The following MOB3B variants were observed in gnomAD, a reference collection of about 807,000 sequenced individuals.
MOB3B encodes MOB kinase activator-like 2B.
MOB3B carries 7 observed loss-of-function variants against 18.7 expected under a neutral mutation model. The observed-to-expected ratio is 0.37, with a 90% confidence interval of 0.21 to 0.70. The LOEUF (loss-of-function observed/expected upper bound fraction) is 0.70, where lower values mean the gene tolerates loss of function less well. MOB3B is among the 30% of genes least tolerant of loss of function. MOB3B has a pLI of 0.52. For synonymous variants in MOB3B, 111 were observed against 99.9 expected (o/e 1.11, Z -0.66); for missense variants, 253 against 281.3 (o/e 0.90, Z 0.72).
chr9:27,377,709 G>A (rs1563853780), intron 2 of MOB3B, among the ~76,000 whole-genome samples: 2 of 152,206 alleles, frequency 1.3e-5, no homozygotes, highest in Admixed American at 1.3e-4. Context: ...GAAACTGCAA[G>A]GCAACTGAAC....
intron 2 of MOB3B, among the ~76,000 whole-genome samples, chr9:27,452,218 A>G (rs1822801655): frequency 6.6e-6 from 1 of 152,164 alleles, no homozygotes; most frequent in South Asian, 2.1e-4. Context: ...CCATCCATCC[A>G]TCCATCCATC....
intron 1 of MOB3B, among the ~76,000 whole-genome samples, chr9:27,483,991 A>T (rs894844239): frequency 6.6e-6 from 1 of 152,244 alleles, no homozygotes; most frequent in African/African-American, 2.4e-5. Flanking sequence ...TGACAGAGCC[A>T]CTAAGGAGTG....
chr9:27,491,344 T>G (rs534095435), intron 1 of MOB3B, among the ~76,000 whole-genome samples: 2 of 152,248 alleles, frequency 1.3e-5, no homozygotes, highest in South Asian at 4.2e-4. Context: ...AAAAGTTTTC[T>G]CCACAGATGA....
At chr9:27,480,685 C>T (rs768382752) in intron 1 of MOB3B, among the ~76,000 whole-genome samples, 2 of 151,980 alleles carry the variant, frequency 1.3e-5, no homozygotes, top group Admixed American at 6.6e-5. Flanking sequence ...CCTGCCTGGG[C>T]CTTCCAAAGT....
At position 27,407,856 on chromosome 9, in the gene MOB3B, C is replaced by A. The variant is rs150307402; in HGVS notation, c.418+47277G>T. On this transcript the variant is annotated intron_variant, in intron 2 of 3. Transcript: ENST00000262244. ...AATATTGCTTCCTCTCGATTTCTTTCCTTCAGTTTTTTCCCCCATTTTTGG... is the reference window on the plus strand; with the variant it reads ...AATATTGCTTCCTCTCGATTTCTTTACTTCAGTTTTTTCCCCCATTTTTGG... 4.9e-4 allele frequency among the ~76,000 whole-genome samples: 74 copies of A among 152,244 alleles called. 1 individual carries two copies. The East Asian group carries it at 0.012, about 24-fold the overall frequency.
chr9:27,489,404 A>G lies in MOB3B; in HGVS notation c.-198-33656T>C, dbSNP rs1419818818. Reference sequence around the variant, plus strand: ...TCCTGAGCTCTCACTCTTAAAAAGCAGTAAAATAGACTTCAGTCAAAAACA... The same window carrying G: ...TCCTGAGCTCTCACTCTTAAAAAGCGGTAAAATAGACTTCAGTCAAAAACA... On this transcript the variant is annotated intron_variant, in intron 1 of 3. Transcript: ENST00000262244. 2.6e-5 allele frequency among the ~76,000 whole-genome samples: 4 copies of G among 152,350 alleles called. No individual in the cohort carries two copies. The East Asian group carries it at 7.7e-4, about 29-fold the overall frequency.
intron 1 of MOB3B, among the ~76,000 whole-genome samples, chr9:27,523,065 G>A (rs751090920): frequency 4.6e-5 from 7 of 152,120 alleles, no homozygotes; most frequent in Non-Finnish European, 8.8e-5. Context: ...TGCCATGTTT[G>A]TGGAACTGTG....
At chr9:27,412,890 T>C (rs1471816524) in intron 2 of MOB3B, among the ~76,000 whole-genome samples, 2 of 152,226 alleles carry the variant, frequency 1.3e-5, no homozygotes, top group Non-Finnish European at 2.9e-5. Flanking sequence ...ATGGCAGCTC[T>C]ACCTGTGAGA....
At chr9:27,355,652 C>T (rs889005694) in intron 3 of MOB3B, among the ~76,000 whole-genome samples, 8 of 151,450 alleles carry the variant, frequency 5.3e-5, no homozygotes, top group East Asian at 1.9e-4. Context: ...CTCTGCCTCC[C>T]GGGTTCACGC....
intron 1 of MOB3B, among the ~76,000 whole-genome samples, chr9:27,473,980 C>CCCTCAAGAGGG (rs1283156292): frequency 6.6e-6 from 1 of 152,160 alleles, no homozygotes; most frequent in African/African-American, 2.4e-5. Context: ...AAGCTTTCTA[C>CCCTCAAGAGGG]CCTCAAGAGG....
intron 2 of MOB3B, among the ~76,000 whole-genome samples, chr9:27,362,035 T>C (rs1193572185): frequency 2.0e-5 from 3 of 152,174 alleles, no homozygotes; most frequent in Non-Finnish European, 4.4e-5. Context: ...CTGCGGATGC[T>C]CATGGCAATT....
intron 2 of MOB3B, among the ~76,000 whole-genome samples, chr9:27,431,113 T>C (rs1822410699): frequency 6.6e-6 from 1 of 152,224 alleles, no homozygotes; most frequent in Admixed American, 6.5e-5. Context: ...ATTTTAAAGA[T>C]AAATTCTCAT....
chr9:27,525,499 T>C (rs993692012), intron 1 of MOB3B, among the ~76,000 whole-genome samples: 1 of 152,162 alleles, frequency 6.6e-6, no homozygotes, highest in African/African-American at 2.4e-5. Flanking sequence ...TCAGCTTGGT[T>C]TGTTTGAATT....
intron 3 of MOB3B, among the ~76,000 whole-genome samples, chr9:27,350,339 G>A (rs1821087272): frequency 6.6e-6 from 1 of 151,102 alleles, no homozygotes; most frequent in Admixed American, 6.6e-5. Flanking sequence ...TATGATTAGT[G>A]ATTTTCCAGT....
chr9:27,501,204 G>T (rs536974564), intron 1 of MOB3B, among the ~76,000 whole-genome samples: 2 of 152,160 alleles, frequency 1.3e-5, no homozygotes, highest in African/African-American at 4.8e-5. Context: ...GATTCCTCAA[G>T]GATCTAGAGC....
chr9:27,340,480 T>C (rs1820922866), intron 3 of MOB3B, among the ~76,000 whole-genome samples: 3 of 152,212 alleles, frequency 2.0e-5, no homozygotes, highest in Admixed American at 2.0e-4. Flanking sequence ...GGACACATGG[T>C]GGGTTGCCTC....
chr9:27,412,264 G>T (rs777657032), intron 2 of MOB3B, among the ~76,000 whole-genome samples: 4 of 151,398 alleles, frequency 2.6e-5, no homozygotes, highest in East Asian at 1.9e-4. Context: ...TAGAAATTAT[G>T]CGAGCAGGAA....
At chr9:27,360,013 C>T (rs1203683383) in intron 2 of MOB3B, among the ~76,000 whole-genome samples, 1 of 152,180 alleles carries the variant, frequency 6.6e-6, no homozygotes, top group Non-Finnish European at 1.5e-5. Context: ...GCTCCCCTTC[C>T]AGCTGTATGA....
chr9:27,422,707 C>T (rs7035131), intron 2 of MOB3B, among the ~76,000 whole-genome samples: 101,262 of 151,498 alleles, frequency 0.67, 34,315 homozygotes, highest in African/African-American at 0.72. Context: ...CTGGAAGAGA[C>T]AATCATAGGT....
Sources: allele counts gnomAD v4.1 joint callset (sites outside exome capture counted in the v4.1 genomes callset), GRCh38; gene constraint gnomAD v4.1.1; transcripts MANE v1.5; gene names NCBI Gene and HGNC (gene_info 2026-07-23, HGNC 2026-07-21).